Variants in SLC38A6 observed in about 807,000 individuals in gnomAD.
The protein encoded by SLC38A6 is N system amino acid transporter NAT-1.
A neutral mutation model predicts 65.0 loss-of-function variants in SLC38A6; 73 were observed. That is an observed-to-expected ratio of 1.12 (90% CI 0.93 to 1.37). SLC38A6 has a LOEUF of 1.37. Among genes scored for constraint, SLC38A6 ranks in the 40% most tolerant of loss-of-function variants. The probability of loss-of-function intolerance (pLI) is 0.00; values close to 1 mark genes in which losing one functional copy is unlikely to be tolerated. For missense variants in SLC38A6, 561 were observed against 531.1 expected (o/e 1.06, Z -0.55); for synonymous variants, 183 against 178.8 (o/e 1.02, Z -0.19).
At chr14:61,030,927 T>C (rs1035404820) in intron 6 of SLC38A6, 1 of 153,348 alleles carries the variant, frequency 6.5e-6, no homozygotes, top group African/African-American at 2.4e-5. Context: ...GAGTGAATGA[T>C]ATTGCTGTCA....
intron 3 of SLC38A6, among the ~76,000 whole-genome samples, chr14:61,004,993 T>A (rs1444334812): frequency 6.6e-6 from 1 of 152,034 alleles, no homozygotes; most frequent in African/African-American, 2.4e-5. Context: ...TCCACCATGA[T>A]CAAGTGGGCT....
At position 61,051,819 on chromosome 14, in the gene SLC38A6, C is replaced by T. The variant is rs2042520644; in HGVS notation, c.1083C>T (p.Ser361=). 1 of 1,611,906 alleles carries T rather than the reference C, an allele frequency of 6.2e-7. No homozygotes were observed. Among genetic ancestry groups the T allele is most frequent in the Non-Finnish European group, 8.5e-7 (1 of 1,179,226 alleles). The change falls in exon 14 of 16, where the codon TCC becomes TCT. Residue 361 remains serine, a synonymous_variant. Coordinates refer to ENST00000267488, the MANE Select transcript of SLC38A6 (RefSeq NM_153811.3). ...ARKAVTMMFF[S]NFPFSWIRHF... is the part of the protein sequence containing the mutation. ...AAGCTGTAACAATGATGTTTTTCTC[C>T]AATTTTCCATTCTCATGGATTCGCC... is the stretch of plus-strand genomic sequence containing the variant.
chr14:61,021,165 C>T (rs1169557459), intron 5 of SLC38A6, among the ~76,000 whole-genome samples: 1 of 152,098 alleles, frequency 6.6e-6, no homozygotes, highest in East Asian at 1.9e-4. Context: ...TCTCTTTGTA[C>T]TCCCAGCACC....
intron 3 of SLC38A6, among the ~76,000 whole-genome samples, chr14:61,012,016 A>G (rs1008207704): frequency 6.6e-6 from 1 of 152,052 alleles, no homozygotes; most frequent in Non-Finnish European, 1.5e-5. Context: ...CTGGTCCTGG[A>G]CTTTTTTTGG....
intron 11 of SLC38A6, 79 bp downstream of exon 11, chr14:61,045,504 C>G (rs1267445218): frequency 1.9e-6 from 2 of 1,052,904 alleles, no homozygotes; most frequent in Non-Finnish European, 2.9e-6. Context: ...ATGACATCCT[C>G]TTTTATTAAT....
At chr14:61,013,019 A>G (rs2039698403) in intron 3 of SLC38A6, among the ~76,000 whole-genome samples, 3 of 152,144 alleles carry the variant, frequency 2.0e-5, no homozygotes, top group South Asian at 4.1e-4. Context: ...GTGGGAGTCT[A>G]AGTCTCTTTG....
chr14:60,991,821 C>A (rs943963094), intron 3 of SLC38A6, among the ~76,000 whole-genome samples: 1 of 152,184 alleles, frequency 6.6e-6, no homozygotes, highest in African/African-American at 2.4e-5. Flanking sequence ...GTGCCTTCCC[C>A]ATCCTTGAGG....
At chr14:61,027,460 G>T (rs1405380721) in intron 5 of SLC38A6, among the ~76,000 whole-genome samples, 1 of 151,798 alleles carries the variant, frequency 6.6e-6, no homozygotes, top group Non-Finnish European at 1.5e-5. Flanking sequence ...GCTTATGATT[G>T]GTCTGTAAGA....
At chr14:61,019,330 T>A (rs577748155) in intron 4 of SLC38A6, among the ~76,000 whole-genome samples, 1 of 152,316 alleles carries the variant, frequency 6.6e-6, no homozygotes, top group East Asian at 1.9e-4. Context: ...CAAAAACTTC[T>A]TTATAGTAAC....
intron 5 of SLC38A6, 54 bp from the exon 6 acceptor site, chr14:61,030,391 T>G: frequency 7.4e-7 from 1 of 1,358,026 alleles, no homozygotes; most frequent in Admixed American, 2.0e-5. Flanking sequence ...GATTATTGTT[T>G]AAATGGTTAA....
intron 15 of SLC38A6, among the ~76,000 whole-genome samples, chr14:61,064,650 T>C (rs2042966615): frequency 6.7e-6 from 1 of 150,066 alleles, no homozygotes; most frequent in South Asian, 2.2e-4. Context: ...CAGTGCCCCC[T>C]TCAGCCAAGA....
At chr14:61,035,574 A>G (rs1406010191) in intron 6 of SLC38A6, among the ~76,000 whole-genome samples, 1 of 152,112 alleles carries the variant, frequency 6.6e-6, no homozygotes, top group Non-Finnish European at 1.5e-5. Flanking sequence ...TGCTACATAT[A>G]ATCATTGTTT....
chr14:61,023,976 A>AG (rs1372397955), intron 5 of SLC38A6, among the ~76,000 whole-genome samples: 1 of 152,116 alleles, frequency 6.6e-6, no homozygotes, highest in African/African-American at 2.4e-5. Flanking sequence ...AAGAGGGGAG[A>AG]GGGGGAAAAG....
chr14:61,036,097 A>T (rs1187040666), intron 6 of SLC38A6, among the ~76,000 whole-genome samples: 2 of 152,124 alleles, frequency 1.3e-5, no homozygotes, highest in African/African-American at 4.8e-5. Context: ...AAGAAGAAAA[A>T]TGACCTATTA....
At chr14:61,065,118 G>A (rs2139932872) in intron 15 of SLC38A6, among the ~76,000 whole-genome samples, 1 of 152,262 alleles carries the variant, frequency 6.6e-6, no homozygotes, top group Non-Finnish European at 1.5e-5. Context: ...TGGGGTGTGT[G>A]TGTGTGTGTG....
In SLC38A6 at chr14:61,048,200, A is replaced by T. The variant is rs573148381; in HGVS notation, c.925+2033A>T. The T allele has an allele frequency of 4.2e-5, 19 of 451,292 alleles. No individual in the cohort carries two copies. In the Admixed American group the frequency reaches 4.5e-4, roughly 11 times the overall value. The allele number at this position is 451,292 out of a possible 1,614,324, so 28.0% of individuals were successfully genotyped here. On this transcript the variant is annotated intron_variant, in intron 12 of 15. Coordinates refer to ENST00000267488, the MANE Select transcript of SLC38A6 (RefSeq NM_153811.3). ...GAAGAAATTGCTGGTTGAACCTGAGATCTTATAAGGGCTAGCCTCAACTTA... is the reference window on the plus strand; with the variant it reads ...GAAGAAATTGCTGGTTGAACCTGAGTTCTTATAAGGGCTAGCCTCAACTTA...
At chr14:61,021,499 A>C (rs2040343379) in intron 5 of SLC38A6, among the ~76,000 whole-genome samples, 1 of 152,132 alleles carries the variant, frequency 6.6e-6, no homozygotes, top group African/African-American at 2.4e-5. Flanking sequence ...TCCCTTTGAA[A>C]ATGCTCCTTA....
At chr14:61,051,196 G>A (rs2042489104) in intron 13 of SLC38A6, among the ~76,000 whole-genome samples, 1 of 152,164 alleles carries the variant, frequency 6.6e-6, no homozygotes, top group South Asian at 2.1e-4. Context: ...CATCTGCATG[G>A]ATGTCTTGAA....
chr14:61,017,335 G>T (rs575064990), intron 4 of SLC38A6, among the ~76,000 whole-genome samples: 7 of 152,112 alleles, frequency 4.6e-5, no homozygotes, highest in African/African-American at 1.7e-4. Context: ...CACCGCGCCC[G>T]GCCCTAACTT....
Sources: allele counts gnomAD v4.1 joint callset (sites outside exome capture counted in the v4.1 genomes callset), GRCh38; gene constraint gnomAD v4.1.1; transcripts MANE v1.5; gene names NCBI Gene and HGNC (gene_info 2026-07-23, HGNC 2026-07-21).